The following BCAS3 variants were observed in gnomAD, a reference collection of about 807,000 sequenced individuals.
BCAS3 encodes the protein BCAS4/BCAS3 fusion.
Under a neutral mutation model 116.1 loss-of-function variants are expected in BCAS3, and 53 were observed. The observed-to-expected ratio is 0.46, with a 90% CI of 0.37 to 0.57. BCAS3 has a LOEUF of 0.57. BCAS3 is among the 20% of genes least tolerant of loss of function. The pLI is 0.00. For synonymous variants in BCAS3, 391 were observed against 408.2 expected, an observed-to-expected ratio of 0.96 and a Z score of 0.51; for missense variants, 917 against 1,165.4, an observed-to-expected ratio of 0.79 and a Z score of 3.10.
At chr17:61,183,574 A>G (rs2144185419) in intron 22 of BCAS3, among the ~76,000 whole-genome samples, 1 of 152,316 alleles carries the variant, frequency 6.6e-6, no homozygotes, top group East Asian at 1.9e-4. Context: ...AGTGCTATGT[A>G]TCTGTTGTTC....
intron 22 of BCAS3, among the ~76,000 whole-genome samples, chr17:61,225,730 A>G (rs2082336580): frequency 6.6e-6 from 1 of 152,172 alleles, no homozygotes; most frequent in Non-Finnish European, 1.5e-5. Flanking sequence ...AGGGCATATT[A>G]TCCCTACAAT....
chr17:60,810,244 C>A, intron 7 of BCAS3: 1 of 435,410 alleles, frequency 2.3e-6, no homozygotes, highest in Non-Finnish European at 4.5e-6. Flanking sequence ...CTATGGCACC[C>A]AGCCAGTCAG....
At chr17:61,250,280 C>A (rs2048272152) in intron 22 of BCAS3, among the ~76,000 whole-genome samples, 1 of 152,070 alleles carries the variant, frequency 6.6e-6, no homozygotes, top group Non-Finnish European at 1.5e-5. Context: ...ACCTAATTAC[C>A]AATCCTGGTA....
At chr17:61,312,758 A>T (rs1202004118) in intron 22 of BCAS3, among the ~76,000 whole-genome samples, 1 of 152,052 alleles carries the variant, frequency 6.6e-6, no homozygotes, top group Non-Finnish European at 1.5e-5. Context: ...GCCTCCTACC[A>T]CCATCGGGGA....
At chr17:60,709,514 C>T (rs538086235) in intron 5 of BCAS3, 189 bp downstream of exon 5, 14 of 420,040 alleles carry the variant, frequency 3.3e-5, no homozygotes, top group South Asian at 4.7e-5. Context: ...CTCAACCTCC[C>T]GAGTAGCTGA....
intron 7 of BCAS3, among the ~76,000 whole-genome samples, chr17:60,859,614 A>C (rs1019454355): frequency 6.6e-6 from 1 of 150,538 alleles, no homozygotes; most frequent in Non-Finnish European, 1.5e-5. Context: ...TGTCGCACAG[A>C]CTGGAGTGCA....
intron 22 of BCAS3, among the ~76,000 whole-genome samples, chr17:61,187,683 A>G (rs12952507): frequency 0.71 from 107,539 of 152,046 alleles, 39,048 homozygotes; most frequent in South Asian, 0.85. Context: ...ATTTCACCAC[A>G]TTATGTTCTC....
At chr17:61,168,606 A>C (rs911403807) in intron 22 of BCAS3, among the ~76,000 whole-genome samples, 7 of 152,202 alleles carry the variant, frequency 4.6e-5, no homozygotes, top group Non-Finnish European at 1.0e-4. Flanking sequence ...TAGATCAAAA[A>C]ATGTATGATA....
rs2066866605 is a variant in BCAS3, at chr17:61,034,399, T to C, written c.1638-267T>C. Among the ~76,000 whole-genome samples the C allele has an allele frequency of 6.6e-6, 1 of 152,218 alleles. No homozygotes were observed. Among genetic ancestry groups the C allele is most frequent in the Non-Finnish European group, 1.5e-5 (1 of 68,024 alleles). On this transcript the variant is annotated intron_variant, in intron 16 of 23. Transcript: ENST00000407086. This position sits in a 1 kb window ranked among gnomAD's most constrained non-coding sequence, Gnocchi z 5.0. The stretch of plus-strand genomic sequence containing the variant: ...GTTACTCATCTGAAAAGAGGTGACT[T>C]GGATTTTGCCAGCACATACTTCAAA...
At position 61,030,127 on chromosome 17, in the gene BCAS3, C is replaced by T. The variant is rs144942832; in HGVS notation, c.1638-4539C>T. 1.2e-4 allele frequency among the ~76,000 whole-genome samples: 18 copies of T among 152,118 alleles called. No individual in the cohort carries two copies. In the East Asian group the frequency reaches 3.3e-3, roughly 28 times the overall value. On this transcript the variant is annotated intron_variant, in intron 16 of 23. Transcript: ENST00000407086. ...TTTTCTTTTATAGAAAGCTGTTATA[C>T]CACTTGTAATACTTAGATCAATATT...
chr17:60,699,837 T>G (rs1179872953), intron 4 of BCAS3, among the ~76,000 whole-genome samples: 4 of 135,806 alleles, frequency 2.9e-5, no homozygotes, highest in Admixed American at 8.4e-5. Flanking sequence ...CACTCCAGCC[T>G]GGGCGACAGA....
intron 6 of BCAS3, among the ~76,000 whole-genome samples, chr17:60,779,430 C>T (rs534140361): frequency 2.4e-4 from 35 of 147,826 alleles, no homozygotes; most frequent in Non-Finnish European, 3.6e-4. Flanking sequence ...AGTGCAATGG[C>T]GTGATCTCAG....
intron 5 of BCAS3, among the ~76,000 whole-genome samples, chr17:60,731,792 T>A (rs1311828757): frequency 3.3e-5 from 5 of 151,548 alleles, no homozygotes; most frequent in African/African-American, 7.3e-5. Flanking sequence ...TTTTTTTTTT[T>A]TTTTGAGGCA....
chr17:61,013,976 C>T lies in BCAS3; in HGVS notation c.1487-1775C>T, dbSNP rs1490808588. Among the ~76,000 whole-genome samples, 1 of 151,952 alleles carries T rather than the reference C, an allele frequency of 6.6e-6. No homozygotes were observed. The highest frequency in any genetic ancestry group is 1.9e-4 in the East Asian group (1 of 5,182). On this transcript the variant is annotated intron_variant, in intron 15 of 23. Transcript: ENST00000407086. The surrounding 1 kb of genome is among the most constrained non-coding windows in gnomAD (Gnocchi z 4.4). ...TCCTGAATCCATGCTATTTTTAAAG[C>T]AAATGTCTTTTAGGATGTGTTTTAG...
intron 14 of BCAS3, among the ~76,000 whole-genome samples, chr17:60,957,409 A>G (rs1350537865): frequency 3.3e-5 from 5 of 152,196 alleles, no homozygotes. Flanking sequence ...TGGTTTTACT[A>G]ATATTCAAGT....
In BCAS3 at chr17:61,199,648, G is replaced by C. The variant is rs1389235463; in HGVS notation, c.2425+115084G>C. Among the ~76,000 whole-genome samples, 1 of 152,184 alleles carries C rather than the reference G, an allele frequency of 6.6e-6. No homozygotes were observed. The highest frequency in any genetic ancestry group is 1.5e-5 in the Non-Finnish European group (1 of 68,032). On this transcript the variant is annotated intron_variant, in intron 22 of 23. Coordinates refer to ENST00000407086, the MANE Select transcript of BCAS3 (RefSeq NM_017679.5). The surrounding 1 kb of genome is among the most constrained non-coding windows in gnomAD (Gnocchi z 4.6). Reference sequence around the variant, plus strand: ...AGGTGGACAATGTTAACTTTGAACAGTGAACACAAAGGGTAATGAATTACT... The same window carrying C: ...AGGTGGACAATGTTAACTTTGAACACTGAACACAAAGGGTAATGAATTACT...
chr17:61,373,240 C>T (rs569443202), intron 23 of BCAS3, among the ~76,000 whole-genome samples: 1 of 152,030 alleles, frequency 6.6e-6, no homozygotes, highest in African/African-American at 2.4e-5. Context: ...AGATACCCAC[C>T]ACCATGCCTG....
Position 61,084,479 on chromosome 17 carries a change from C to T in BCAS3, c.2340C>T (p.Val780=). The change falls in exon 22 of 24, where the codon GTC becomes GTT. Residue 780 remains valine, a synonymous_variant. Coordinates refer to ENST00000407086, the MANE Select transcript of BCAS3 (RefSeq NM_017679.5). The surrounding 1 kb of genome is among the most constrained non-coding windows in gnomAD (Gnocchi z 5.5). ...LDLNSLRIQP[V]RSDPVSMPGS... ...AATTGCATTGCAGGATCCAGCCAGT[C>T]CGCTCTGACCCCGTCAGCATGCCAG... 1 of 1,612,340 alleles carries T rather than the reference C, an allele frequency of 6.2e-7. No homozygotes were observed. Among genetic ancestry groups the T allele is most frequent in the Non-Finnish European group, 8.5e-7 (1 of 1,179,470 alleles).
chr17:60,838,177 G>A (rs957540896), intron 7 of BCAS3, among the ~76,000 whole-genome samples: 1 of 151,944 alleles, frequency 6.6e-6, no homozygotes, highest in Non-Finnish European at 1.5e-5. Context: ...TGAACAAAAT[G>A]GGAAGAAAAT....
Sources: gnomAD v4.1 joint callset for allele counts (sites outside exome capture counted in the v4.1 genomes callset) on GRCh38, gnomAD v4.1.1 for gene constraint, Gnocchi (gnomAD v3.1) non-coding constraint, MANE v1.5 for transcripts, NCBI Gene and HGNC (gene_info 2026-07-23, HGNC 2026-07-21) for gene names.